ANKRD13B: variants seen among roughly 807,000 people sequenced by gnomAD.
ANKRD13B encodes ankyrin repeat domain-containing protein 13B.
ANKRD13B carries 33 observed loss-of-function variants against 74.4 expected under a neutral mutation model. The ratio of observed to expected loss-of-function variants is 0.44; its 90% CI spans 0.34 to 0.59. The LOEUF is 0.59. Among genes scored for constraint, ANKRD13B ranks in the 20% least tolerant of loss-of-function variants. The pLI is 0.02. For missense variants in ANKRD13B, 676 were observed against 877.9 expected, an observed-to-expected ratio of 0.77 and a Z score of 2.91; for synonymous variants, 341 against 362.9, an observed-to-expected ratio of 0.94 and a Z score of 0.68.
intron 1 of ANKRD13B, among the ~76,000 whole-genome samples, chr17:29,600,806 TC>T (rs1175585721): frequency 6.6e-6 from 1 of 152,148 alleles, no homozygotes; most frequent in Non-Finnish European, 1.5e-5. Flanking sequence ...CTTCCTCTGC[TC>T]CCCTAAGTCA....
chr17:29,596,262 C>T (rs1044222051), intron 1 of ANKRD13B, among the ~76,000 whole-genome samples: 1 of 152,236 alleles, frequency 6.6e-6, no homozygotes, highest in African/African-American at 2.4e-5. Flanking sequence ...CCCCAAATTG[C>T]TCTGCTGGAG....
rs1190465912 is a variant in ANKRD13B at position 29,611,677 on chromosome 17, G to T, written c.969+34G>T. ...GTGCAGGGGTACCCGTAAGTGGAGG[G>T]ATGTGGATGTGGCTCAGGAGGAGGC... is the stretch of plus-strand genomic sequence containing the variant. On this transcript the variant is annotated intron_variant, in intron 9 of 14. Transcript: ENST00000394859. The surrounding 1 kb of genome is among the most constrained non-coding windows in gnomAD (Gnocchi z 4.3). The T allele has an allele frequency of 4.3e-6, 7 of 1,609,534 alleles. No individual in the cohort carries two copies. The South Asian group carries it at 7.7e-5, about 18-fold the overall frequency.
At chr17:29,594,970 T>C (rs779067211) in intron 1 of ANKRD13B, among the ~76,000 whole-genome samples, 26 of 152,226 alleles carry the variant, frequency 1.7e-4, no homozygotes, top group Non-Finnish European at 3.5e-4. Context: ...CAGCTCTGCA[T>C]GGCAGTCCCT....
At position 29,612,659 on chromosome 17, in the gene ANKRD13B, C is replaced by T. The variant is rs778494511; in HGVS notation, c.1419C>T (p.Cys473=). 4.5e-5 allele frequency: 69 copies of T among 1,550,438 alleles called. 1 individual carries two copies. The South Asian group carries it at 7.7e-4, about 17-fold the overall frequency. The change falls in exon 13 of 15, where the codon TGC becomes TGT. Residue 473 remains cysteine, a synonymous_variant. Transcript: ENST00000394859. The surrounding 1 kb of genome is among the most constrained non-coding windows in gnomAD (Gnocchi z 6.1). ...SVSSSSSTTS[C]RGCEISPALF... ...CAGCCCCCGCGCCCCCAGCCTCCTG[C>T]CGCGGCTGCGAGATCTCCCCAGCGT...
chr17:29,593,818 TC>T (rs1355202236), intron 1 of ANKRD13B, 83 bp downstream of exon 1: 1 of 759,912 alleles, frequency 1.3e-6, no homozygotes, highest in Admixed American at 4.9e-5. Flanking sequence ...GCGCGGGCTG[TC>T]CCGCCTCCCT....
chr17:29,595,131 C>A (rs2033910763), intron 1 of ANKRD13B, among the ~76,000 whole-genome samples: 1 of 152,216 alleles, frequency 6.6e-6, no homozygotes, highest in South Asian at 2.1e-4. Flanking sequence ...AAAGGCAGTG[C>A]TCTGCAGCCA....
intron 1 of ANKRD13B, among the ~76,000 whole-genome samples, chr17:29,603,002 C>A (rs150429632): frequency 2.1e-3 from 324 of 152,202 alleles, no homozygotes; most frequent in Non-Finnish European, 4.0e-3. Context: ...AGGTGCCCAC[C>A]ACCACGCCTG....
At position 29,597,153 on chromosome 17, in the gene ANKRD13B, G is replaced by A. The variant is rs564354544; in HGVS notation, c.114+3418G>A. ...AGGCTCTGCGTCCCTCACCTTCCTC[G>A]CAAGCACTGTGTTTAGTCCATACAT... On this transcript the variant is annotated intron_variant, in intron 1 of 14. Coordinates refer to ENST00000394859, the MANE Select transcript of ANKRD13B (RefSeq NM_152345.5). 7.9e-4 allele frequency among the ~76,000 whole-genome samples: 121 copies of A among 152,308 alleles called. 1 individual carries two copies. Among genetic ancestry groups the A allele is most frequent in the African/African-American group, 2.8e-3 (115 of 41,558 alleles).
chr17:29,593,782 C>A, intron 1 of ANKRD13B, 47 bp downstream of exon 1: 1 of 1,198,052 alleles, frequency 8.3e-7, no homozygotes, highest in Non-Finnish European at 1.1e-6. Flanking sequence ...GCCGGGCACG[C>A]CCGTCCGGCC....
At chr17:29,610,350 C>T (rs2034539664) in intron 7 of ANKRD13B, among the ~76,000 whole-genome samples, 1 of 152,126 alleles carries the variant, frequency 6.6e-6, no homozygotes, top group Admixed American at 6.5e-5. Flanking sequence ...TGTGCTACCC[C>T]CACCAGTGCA....
Position 29,608,585 on chromosome 17 carries a change from G to A in ANKRD13B, c.422-266G>A. 3.5e-6 allele frequency: 2 copies of A among 578,646 alleles called. 1 individual carries two copies. The highest frequency in any genetic ancestry group is 6.3e-5 in the Admixed American group (2 of 31,904). The allele number at this position is 578,646 out of a possible 1,614,324, so 35.8% of individuals were successfully genotyped here. A position where few individuals can be genotyped will look rare whatever the true frequency, so the allele number is the denominator to read the frequency against. On this transcript the variant is annotated intron_variant, in intron 4 of 14. Transcript: ENST00000394859. The surrounding 1 kb of genome is among the most constrained non-coding windows in gnomAD (Gnocchi z 6.4). The stretch of plus-strand genomic sequence containing the variant: ...TTCATAAATATTTGTTGAAAGAATG[G>A]ATGAAAGAGTGAGTGAGTGAATTAA...
chr17:29,594,716 CCA>C (rs1193119977), intron 1 of ANKRD13B, among the ~76,000 whole-genome samples: 1 of 152,198 alleles, frequency 6.6e-6, no homozygotes, highest in Non-Finnish European at 1.5e-5. Context: ...GCTGAGAACC[CCA>C]GTTTTGGACT....
intron 1 of ANKRD13B, among the ~76,000 whole-genome samples, chr17:29,597,464 GCT>G (rs946126439): frequency 1.3e-5 from 2 of 151,956 alleles, no homozygotes; most frequent in African/African-American, 4.8e-5. Context: ...AGGTAGGGAG[GCT>G]CTCTGCCCAG....
intron 1 of ANKRD13B, 28 bp downstream of exon 1, chr17:29,593,763 G>C (rs891079412): frequency 7.5e-7 from 1 of 1,340,452 alleles, no homozygotes; most frequent in African/African-American, 1.6e-5. Flanking sequence ...GCGCCGCGGG[G>C]ACCCCGCGGC....
intron 1 of ANKRD13B, chr17:29,594,084 T>A: frequency 6.3e-6 from 1 of 157,494 alleles, no homozygotes; most frequent in Non-Finnish European, 1.4e-5. Context: ...CGAGTGAGGG[T>A]GCGGAGGTGG....
At position 29,609,996 on chromosome 17, in the gene ANKRD13B, G is replaced by T. The variant is rs987309529; in HGVS notation, c.822+575G>T. Among the ~76,000 whole-genome samples, 2 of 152,070 alleles carry T rather than the reference G, an allele frequency of 1.3e-5. No individual in the cohort carries two copies. Among genetic ancestry groups the T allele is most frequent in the Non-Finnish European group, 2.9e-5 (2 of 68,024 alleles). ...ATCACCTGAGGTCAGTTCGAGACCA[G>T]CCTGGCTAACATGGTGAAACCCCGT... On this transcript the variant is annotated intron_variant, in intron 7 of 14. Coordinates refer to ENST00000394859, the MANE Select transcript of ANKRD13B (RefSeq NM_152345.5). This position sits in a 1 kb window ranked among gnomAD's most constrained non-coding sequence, Gnocchi z 4.0.
At chr17:29,607,072 A>AC (rs370135938) in intron 1 of ANKRD13B, among the ~76,000 whole-genome samples, 7 of 151,664 alleles carry the variant, frequency 4.6e-5, no homozygotes, top group African/African-American at 1.7e-4. Flanking sequence ...ACAAAAAAAA[A>AC]CCCCAAAAAA....
intron 1 of ANKRD13B, among the ~76,000 whole-genome samples, chr17:29,594,849 C>T (rs180720298): frequency 6.6e-6 from 1 of 152,208 alleles, no homozygotes. Flanking sequence ...GCTGTGCAAT[C>T]GCCAAGGGAA....
rs755686225 is a variant in ANKRD13B at position 29,608,299 on chromosome 17, C to CA, written c.421+59_421+60insA. The CA allele has an allele frequency of 2.9e-4, 473 of 1,606,114 alleles. No individual in the cohort carries two copies. Among genetic ancestry groups the CA allele is most frequent in the Admixed American group, 4.0e-4 (24 of 59,548 alleles). On this transcript the variant is annotated intron_variant, in intron 4 of 14. Coordinates refer to ENST00000394859, the MANE Select transcript of ANKRD13B (RefSeq NM_152345.5). The surrounding 1 kb of genome is among the most constrained non-coding windows in gnomAD (Gnocchi z 6.4). ...TCCCACTTTAGGTCCTGCGCTTGCTCCCCTGCCTGGAATGTGTTCTCATAG... is the reference window on the plus strand; with the variant it reads ...TCCCACTTTAGGTCCTGCGCTTGCTCACCCTGCCTGGAATGTGTTCTCATAG...
Sources: allele counts gnomAD v4.1 joint callset (sites outside exome capture counted in the v4.1 genomes callset), GRCh38; gene constraint gnomAD v4.1.1; non-coding constraint Gnocchi (gnomAD v3.1); transcripts MANE v1.5; gene names NCBI Gene and HGNC (gene_info 2026-07-23, HGNC 2026-07-21).